The following TMEM131L variants were observed in gnomAD, a reference collection of about 807,000 sequenced individuals.
The protein encoded by TMEM131L is transmembrane 131 like, also known as transmembrane protein 131-like.
In TMEM131L, 54 loss-of-function variants were observed where a neutral mutation model predicts 192.2. The observed-to-expected ratio is 0.28, with a 90% CI of 0.23 to 0.35. The LOEUF is 0.35. Among genes scored for constraint, TMEM131L ranks in the 10% least tolerant of loss-of-function variants. The pLI, the probability that TMEM131L is intolerant of heterozygous loss-of-function variation, is 1.00. For synonymous variants in TMEM131L, 701 were observed against 704.9 expected (o/e 0.99, Z 0.09); for missense variants, 1,888 against 1,972.9 (o/e 0.96, Z 0.82).
chr4:153,533,325 C>T (rs1284766918), intron 3 of TMEM131L, among the ~76,000 whole-genome samples: 2 of 152,142 alleles, frequency 1.3e-5, no homozygotes, highest in African/African-American at 4.8e-5. Flanking sequence ...CCACGTTCAC[C>T]CCATTATAAG....
intron 3 of TMEM131L, among the ~76,000 whole-genome samples, chr4:153,490,691 C>T (rs1339142731): frequency 2.0e-5 from 3 of 152,234 alleles, no homozygotes; most frequent in Admixed American, 6.5e-5. Flanking sequence ...CGTGGGGGCT[C>T]ATGCCTGTAA....
Position 153,626,185 on chromosome 4 carries a change from C to T in TMEM131L, c.4084C>T (p.Pro1362Ser). The T allele has an allele frequency of 6.2e-7, 1 of 1,612,322 alleles. No individual in the cohort carries two copies. Among genetic ancestry groups the T allele is most frequent in the South Asian group, 1.1e-5 (1 of 90,938 alleles). Residue 1362 changes from proline to serine, a missense_variant, in exon 30 of 35, where the codon CCC becomes TCC. By Grantham distance (74) the Pro-to-Ser change is moderately conservative (BLOSUM62 -1). Transcript: ENST00000409959. ...ACAAAATGATTTTCCTTCTGAAGCT[C>T]CCATCTCCTTGAATCTTTCTCATAA... is the stretch of plus-strand genomic sequence containing the variant. The part of the protein sequence containing the change: ...VSQNDFPSEA[P>S]ISLNLSHNIC...
intron 7 of TMEM131L, among the ~76,000 whole-genome samples, chr4:153,560,936 T>A (rs1395072033): frequency 6.6e-6 from 1 of 152,252 alleles, no homozygotes; most frequent in Non-Finnish European, 1.5e-5. Context: ...GGTAATTCCA[T>A]GTTTAACATT....
intron 7 of TMEM131L, among the ~76,000 whole-genome samples, chr4:153,560,593 A>T (rs1728784058): frequency 6.6e-6 from 1 of 152,220 alleles, no homozygotes; most frequent in Non-Finnish European, 1.5e-5. Flanking sequence ...TAATTTTAGA[A>T]CATTTTCATT....
intron 7 of TMEM131L, among the ~76,000 whole-genome samples, chr4:153,561,068 A>G (rs1728816418): frequency 6.6e-6 from 1 of 152,170 alleles, no homozygotes; most frequent in Non-Finnish European, 1.5e-5. Context: ...TTGTTTTTTA[A>G]ATAGCCATCT....
chr4:153,620,039 G>A (rs1167570389), intron 26 of TMEM131L, among the ~76,000 whole-genome samples: 1 of 152,142 alleles, frequency 6.6e-6, no homozygotes, highest in African/African-American at 2.4e-5. Flanking sequence ...GAAGGAAGAA[G>A]AATAATAAGG....
rs1450448739 is a variant in TMEM131L, at chr4:153,578,482, A to G, written c.661-2344A>G. On this transcript the variant is annotated intron_variant, in intron 7 of 34. Transcript: ENST00000409959. ...GTGATTCTCCTGCCTCAGCCTCCCA[A>G]GTAGCTGGGACTACAGGTGTGCGCC... is the stretch of plus-strand genomic sequence containing the variant. Among the ~76,000 whole-genome samples, 14 of 149,082 alleles carry G rather than the reference A, an allele frequency of 9.4e-5. No individual in the cohort carries two copies. The East Asian group carries it at 2.7e-3, about 29-fold the overall frequency.
rs1730832480 is a variant in TMEM131L at position 153,467,319 on chromosome 4, C to G, written c.195+38C>G. 2.0e-6 allele frequency: 3 copies of G among 1,531,032 alleles called. No individual in the cohort carries two copies. The East Asian group carries it at 7.4e-5, about 38-fold the overall frequency. The allele number at this position is 1,531,032 out of a possible 1,614,324, so 94.8% of individuals were successfully genotyped here. ...AGGTGACAGGGCGGCTGTGGGTGTACGAGGGAGGAGAGGCGGGGAGGCCCC... is the reference window on the plus strand; with the variant it reads ...AGGTGACAGGGCGGCTGTGGGTGTAGGAGGGAGGAGAGGCGGGGAGGCCCC... On this transcript the variant is annotated intron_variant, in intron 2 of 34. Coordinates refer to ENST00000409959, the MANE Select transcript of TMEM131L (RefSeq NM_001131007.2).
intron 3 of TMEM131L, among the ~76,000 whole-genome samples, chr4:153,485,290 C>T (rs907853829): frequency 5.3e-5 from 8 of 152,060 alleles, no homozygotes; most frequent in African/African-American, 1.9e-4. Flanking sequence ...TGTACACATC[C>T]CAGTTTGAGA....
Position 153,467,289 on chromosome 4 carries a change from C to A in TMEM131L, c.195+8C>A. On this transcript the variant is annotated splice_region_variant and intron_variant, in intron 2 of 34. Coordinates refer to ENST00000409959, the MANE Select transcript of TMEM131L (RefSeq NM_001131007.2). ...CTCCTGCTGCCCACTCAGGTGAGGA[C>A]GACCAGGTGACAGGGCGGCTGTGGG... 6.4e-7 allele frequency: 1 copy of A among 1,551,070 alleles called. No homozygotes were observed. The highest frequency in any genetic ancestry group is 8.7e-7 in the Non-Finnish European group (1 of 1,146,450).
At chr4:153,626,768 AAAGAACACCTTATTTCTGAATAT>A (rs1733874458) in intron 30 of TMEM131L, among the ~76,000 whole-genome samples, 1 of 152,214 alleles carries the variant, frequency 6.6e-6, no homozygotes, top group Non-Finnish European at 1.5e-5. Flanking sequence ...CTGTCTCAGA[AAAGAACACCTTATTTCTGAATAT>A]AGAAGGAGGA....
intron 3 of TMEM131L, among the ~76,000 whole-genome samples, chr4:153,541,203 G>A (rs1736753630): frequency 6.6e-6 from 1 of 152,216 alleles, no homozygotes; most frequent in Non-Finnish European, 1.5e-5. Flanking sequence ...GGGGAAATGT[G>A]AGCTTAATTG....
intron 3 of TMEM131L, among the ~76,000 whole-genome samples, chr4:153,493,278 G>A (rs1732920439): frequency 6.6e-6 from 1 of 150,490 alleles, no homozygotes; most frequent in South Asian, 2.1e-4. Context: ...CCCAGGAGGC[G>A]GAGCTTGCAG....
rs1241785160 is a variant in TMEM131L at position 153,612,335 on chromosome 4, A to G, written c.3502A>G (p.Lys1168Glu). 6.2e-7 allele frequency: 1 copy of G among 1,602,382 alleles called. No homozygotes were observed. The highest frequency in any genetic ancestry group is 8.5e-7 in the Non-Finnish European group (1 of 1,176,062). Residue 1168 changes from lysine (K) to glutamate (E), a missense_variant, in exon 26 of 35, where the codon AAG (lysine) becomes GAG (glutamate). Transcript: ENST00000409959. The part of the protein sequence containing the change: ...KKVDTKPSSE[K>E]KIHKTSREDM... The stretch of plus-strand genomic sequence containing the variant: ...GGTGGACACAAAGCCTTCTTCAGAA[A>G]AGAAGATTCACAAAACATCTAGAGA...
chr4:153,586,501 G>A, intron 14 of TMEM131L, 122 bp downstream of exon 14: 1 of 636,744 alleles, frequency 1.6e-6, no homozygotes, highest in Middle Eastern at 4.2e-4. Context: ...CTAAGAAACT[G>A]AAGGATATTA....
At position 153,527,201 on chromosome 4, in the gene TMEM131L, T is replaced by C. The variant is rs143554744; in HGVS notation, c.240-22872T>C. Among the ~76,000 whole-genome samples, 1,074 of 152,228 alleles carry C rather than the reference T, an allele frequency of 7.1e-3. 18 individuals are homozygous for C. Among genetic ancestry groups the C allele is most frequent in the African/African-American group, 0.024 (1,013 of 41,534 alleles). ...GTGACTGACAATAGTAAATGAATCTTGCAAGGGGGAGGTGAAAGTAATTTT... is the reference window on the plus strand; with the variant it reads ...GTGACTGACAATAGTAAATGAATCTCGCAAGGGGGAGGTGAAAGTAATTTT... On this transcript the variant is annotated intron_variant, in intron 3 of 34. Coordinates refer to ENST00000409959, the MANE Select transcript of TMEM131L (RefSeq NM_001131007.2).
At chr4:153,472,242 A>T (rs1316382216) in intron 2 of TMEM131L, among the ~76,000 whole-genome samples, 1 of 152,244 alleles carries the variant, frequency 6.6e-6, no homozygotes, top group Non-Finnish European at 1.5e-5. Flanking sequence ...TGACAGTCCT[A>T]GGAGAGTAAG....
intron 3 of TMEM131L, among the ~76,000 whole-genome samples, chr4:153,501,138 A>G (rs1398590403): frequency 6.6e-6 from 1 of 151,908 alleles, no homozygotes; most frequent in Non-Finnish European, 1.5e-5. Flanking sequence ...AAGAATAATG[A>G]CCATACTGGA....
intron 3 of TMEM131L, among the ~76,000 whole-genome samples, chr4:153,489,508 C>T (rs1266971545): frequency 6.6e-6 from 1 of 152,160 alleles, no homozygotes; most frequent in Non-Finnish European, 1.5e-5. Flanking sequence ...GACAGAGTCT[C>T]ACTCTCTCAC....
Sources: allele counts gnomAD v4.1 joint callset (sites outside exome capture counted in the v4.1 genomes callset), GRCh38; gene constraint gnomAD v4.1.1; transcripts MANE v1.5; gene names NCBI Gene and HGNC (gene_info 2026-07-23, HGNC 2026-07-21).